VPS35: variants seen among roughly 807,000 people sequenced by gnomAD.
VPS35 encodes the protein vacuolar protein sorting-associated protein 35.
A neutral mutation model predicts 98.1 loss-of-function variants in VPS35; 21 were observed. The observed-to-expected ratio is 0.21, with a 90% confidence interval of 0.15 to 0.31. The LOEUF (loss-of-function observed/expected upper bound fraction) is 0.31, where lower values mean the gene tolerates loss of function less well. Among genes scored for constraint, VPS35 ranks in the 10% least tolerant of loss-of-function variants. The probability of loss-of-function intolerance (pLI) is 1.00; values close to 1 mark genes in which losing one functional copy is unlikely to be tolerated. For missense variants in VPS35, 554 were observed against 950.8 expected (o/e 0.58, Z 5.49); for synonymous variants, 268 against 318.2 (o/e 0.84, Z 1.68).
intron 11 of VPS35, 118 bp from the exon 12 acceptor site, chr16:46,671,978 T>C (rs991462243): frequency 2.8e-6 from 4 of 1,428,624 alleles, no homozygotes; most frequent in Non-Finnish European, 3.8e-6. Context: ...TATTCCTTTT[T>C]TTGGTGAGAA....
At chr16:46,681,717 T>G (rs1567269081) in intron 3 of VPS35, 3 of 582,718 alleles carry the variant, frequency 5.1e-6, no homozygotes. Context: ...ATACAATGGT[T>G]ACCTGTCAGA....
At chr16:46,672,526 C>A in intron 10 of VPS35, 54 bp from the exon 11 acceptor site, 3 of 1,480,410 alleles carry the variant, frequency 2.0e-6, no homozygotes, top group Non-Finnish European at 2.8e-6. Context: ...TCTATATACA[C>A]AAATAGCATT....
chr16:46,675,891 C>G (rs1031464486), intron 8 of VPS35, among the ~76,000 whole-genome samples: 18 of 151,692 alleles, frequency 1.2e-4, no homozygotes, highest in African/African-American at 2.9e-4. Flanking sequence ...CTGGCAAAAC[C>G]CTGTCTCTAC....
intron 1 of VPS35, chr16:46,688,250 C>A: frequency 5.2e-6 from 5 of 964,812 alleles, no homozygotes; most frequent in Non-Finnish European, 6.2e-6. Context: ...AGTATATACT[C>A]AAAAAATTTA....
chr16:46,687,055 C>T (rs1243074118), intron 1 of VPS35, among the ~76,000 whole-genome samples: 1 of 152,200 alleles, frequency 6.6e-6, no homozygotes, highest in African/African-American at 2.4e-5. Flanking sequence ...GTGCCTACTA[C>T]TTAGCAATAA....
intron 1 of VPS35, among the ~76,000 whole-genome samples, chr16:46,685,318 C>T (rs1225713620): frequency 2.0e-5 from 3 of 152,166 alleles, no homozygotes; most frequent in Non-Finnish European, 4.4e-5. Context: ...AACAACATTT[C>T]ATTTTGAGAT....
At position 46,679,168 on chromosome 16, in the gene VPS35, C is replaced by T; in HGVS notation, c.507-12G>A. 6.3e-7 allele frequency: 1 copy of T among 1,590,822 alleles called. No individual in the cohort carries two copies. Among genetic ancestry groups the T allele is most frequent in the Non-Finnish European group, 8.6e-7 (1 of 1,166,804 alleles). On this transcript the variant is annotated splice_polypyrimidine_tract_variant and intron_variant, in intron 5 of 16. Coordinates refer to ENST00000299138, the MANE Select transcript of VPS35 (RefSeq NM_018206.6). ...CAGTTGTTTCTTCACTGCAAAGAAA[C>T]AGAAAAGTCTTTACACAGTATTTAC...
chr16:46,674,751 T>C, intron 8 of VPS35, 91 bp from the exon 9 acceptor site: 2 of 1,150,890 alleles, frequency 1.7e-6, no homozygotes, highest in Non-Finnish European at 2.5e-6. Context: ...ATTGCTTTTC[T>C]ATATTTTGTA....
chr16:46,671,723 G>T lies in VPS35; in HGVS notation c.1506C>A (p.Asp502Glu). The change falls in exon 12 of 17, where the codon GAC (aspartate) becomes GAA (glutamate). Residue 502 changes from aspartate (D) to glutamate (E), a missense_variant. Asp to Glu is a conservative substitution (Grantham distance 45, BLOSUM62 2). Around this residue, in one of 5 missense-constraint regions of VPS35, gnomAD observed 254 missense variants for 390.1 expected, o/e 0.65. Transcript: ENST00000299138. ...GRFIHLLRSE[D>E]PDQQYLILNT... ...CTCATACCAAGTACTGCTGGTCAGG[G>T]TCCTCAGAGCGCAGCAGATGAATGA... 6.2e-7 allele frequency: 1 copy of T among 1,614,156 alleles called. No homozygotes were observed. The highest frequency in any genetic ancestry group is 8.5e-7 in the Non-Finnish European group (1 of 1,180,002).
chr16:46,669,465 G>A (rs774378460), intron 12 of VPS35, among the ~76,000 whole-genome samples: 4 of 152,066 alleles, frequency 2.6e-5, no homozygotes, highest in Non-Finnish European at 4.4e-5. Flanking sequence ...TCAGGAGTTC[G>A]AGACCAGCCT....
At chr16:46,684,352 C>T (rs568916674) in intron 1 of VPS35, among the ~76,000 whole-genome samples, 1 of 152,288 alleles carries the variant, frequency 6.6e-6, no homozygotes, top group Non-Finnish European at 1.5e-5. Flanking sequence ...AACTAGTTTA[C>T]GAGAACAGTG....
intron 1 of VPS35, chr16:46,688,599 C>CA: frequency 1.0e-6 from 1 of 999,062 alleles, no homozygotes; most frequent in African/African-American, 1.7e-5. Flanking sequence ...AACTCGCTGA[C>CA]AAACACTGCA....
At chr16:46,686,951 C>G (rs1382450260) in intron 1 of VPS35, among the ~76,000 whole-genome samples, 1 of 152,228 alleles carries the variant, frequency 6.6e-6, no homozygotes, top group East Asian at 1.9e-4. Flanking sequence ...AAACTACTCT[C>G]CACTGAAACA....
At chr16:46,664,764 G>A (rs1279541221) in intron 13 of VPS35, among the ~76,000 whole-genome samples, 5 of 148,172 alleles carry the variant, frequency 3.4e-5, no homozygotes, top group South Asian at 4.3e-4. Context: ...CAGGTGATCC[G>A]CCTGCCTCAG....
rs373366586 is a variant in VPS35 at position 46,670,584 on chromosome 16, C to T, written c.1524+1121G>A. On this transcript the variant is annotated intron_variant, in intron 12 of 16. Coordinates refer to ENST00000299138, the MANE Select transcript of VPS35 (RefSeq NM_018206.6). ...ATAGATGCGAGCCACCATGCCCCGC[C>T]GGAAGGAATAGTTTCTAACTACTAT... Among the ~76,000 whole-genome samples, 3 of 152,224 alleles carry T rather than the reference C, an allele frequency of 2.0e-5. No homozygotes were observed. The East Asian group carries it at 5.8e-4, about 29-fold the overall frequency.
intron 10 of VPS35, among the ~76,000 whole-genome samples, chr16:46,673,006 G>A (rs1416706258): frequency 3.3e-5 from 5 of 151,936 alleles, no homozygotes; most frequent in African/African-American, 1.2e-4. Context: ...GAGGCATATT[G>A]GGGCATTTAT....
chr16:46,679,253 C>A, intron 5 of VPS35, 97 bp from the exon 6 acceptor site: 1 of 1,089,064 alleles, frequency 9.2e-7, no homozygotes, highest in Non-Finnish European at 1.3e-6. Flanking sequence ...CTATAGTACA[C>A]CAATGCTTTA....
intron 13 of VPS35, among the ~76,000 whole-genome samples, chr16:46,667,259 T>G (rs1966003210): frequency 6.6e-6 from 1 of 152,224 alleles, no homozygotes; most frequent in East Asian, 1.9e-4. Context: ...CCTGTATGTC[T>G]TCTTTGGAAA....
intron 11 of VPS35, 86 bp from the exon 12 acceptor site, chr16:46,671,946 T>C (rs1036146817): frequency 7.0e-5 from 108 of 1,551,682 alleles, no homozygotes; most frequent in Admixed American, 9.1e-5. Flanking sequence ...AGTTATAAAA[T>C]TACAATACAG....
Sources: gnomAD v4.1 joint callset for allele counts (sites outside exome capture counted in the v4.1 genomes callset) on GRCh38, gnomAD v4.1.1 for gene constraint, gnomAD v4.1.1 regional missense constraint, MANE v1.5 for transcripts, NCBI Gene and HGNC (gene_info 2026-07-23, HGNC 2026-07-21) for gene names.